Variants in GALNT2 observed in about 807,000 individuals in gnomAD.
GALNT2 encodes the protein polypeptide N-acetylgalactosaminyltransferase 2.
Under a neutral mutation model 81.4 loss-of-function variants are expected in GALNT2, and 31 were observed. The ratio of observed to expected loss-of-function variants is 0.38; its 90% CI spans 0.29 to 0.51. GALNT2 has a LOEUF of 0.51. GALNT2 is among the 20% of genes least tolerant of loss of function. The probability of loss-of-function intolerance (pLI) is 0.87; values close to 1 mark genes in which losing one functional copy is unlikely to be tolerated. For synonymous variants in GALNT2, 303 were observed against 287.4 expected (o/e 1.05, Z -0.55); for missense variants, 629 against 765.7 (o/e 0.82, Z 2.11).
chr1:230,201,742 C>T (rs1010409565), intron 2 of GALNT2, among the ~76,000 whole-genome samples: 4 of 152,218 alleles, frequency 2.6e-5, no homozygotes, highest in African/African-American at 9.7e-5. Context: ...ACACTGGCCT[C>T]CTGGCTGGTT....
At chr1:230,115,023 T>A (rs934084332) in intron 1 of GALNT2, among the ~76,000 whole-genome samples, 1 of 150,658 alleles carries the variant, frequency 6.6e-6, no homozygotes, top group African/African-American at 2.5e-5. Context: ...TTTTTTTTTT[T>A]AAGATGGAGT....
intron 6 of GALNT2, among the ~76,000 whole-genome samples, chr1:230,239,169 T>G (rs1180605696): frequency 6.6e-6 from 1 of 152,242 alleles, no homozygotes; most frequent in Non-Finnish European, 1.5e-5. Flanking sequence ...TTTATTGATT[T>G]TGGTAATTTA....
Position 230,077,838 on chromosome 1 carries a change from A to G in GALNT2, c.126+10432A>G, listed in dbSNP as rs371432907. On this transcript the variant is annotated intron_variant, in intron 1 of 15. Transcript: ENST00000366672. ...ATGAAGTCGAGGTAGCCAGCCTTTGACTCTTCTGGGAATTTTGCCTAACTC... is the reference window on the plus strand; with the variant it reads ...ATGAAGTCGAGGTAGCCAGCCTTTGGCTCTTCTGGGAATTTTGCCTAACTC... Among the ~76,000 whole-genome samples the G allele has an allele frequency of 5.7e-4, 87 of 152,136 alleles. 1 individual carries two copies. In the South Asian group the frequency reaches 0.013, roughly 22 times the overall value.
chr1:230,180,296 C>CTTTTTTT (rs56786141), intron 2 of GALNT2, among the ~76,000 whole-genome samples: 2 of 70,608 alleles, frequency 2.8e-5, no homozygotes, highest in Non-Finnish European at 5.3e-5. Context: ...TGTCTAGGTT[C>CTTTTTTT]TTTTTTTTTT....
At chr1:230,235,213 C>CAA (rs10532058) in intron 3 of GALNT2, among the ~76,000 whole-genome samples, 66 of 76,394 alleles carry the variant, frequency 8.6e-4, no homozygotes, top group South Asian at 1.6e-3. Flanking sequence ...GACCCTGTCT[C>CAA]AAAAAAAAAA....
At chr1:230,148,207 C>T (rs1000648955) in intron 1 of GALNT2, among the ~76,000 whole-genome samples, 3 of 152,188 alleles carry the variant, frequency 2.0e-5, no homozygotes, top group African/African-American at 7.2e-5. Context: ...GAAGGGCTGC[C>T]CACCGGCACA....
Position 230,257,668 on chromosome 1 carries a change from C to T in GALNT2, c.1136+2324C>T, listed in dbSNP as rs916860594. ...GATGCATTTTTCAGGTTGTATCCCT[C>T]TCATTAAGCAGCACCTGGCTGTACC... On this transcript the variant is annotated intron_variant, in intron 11 of 15. Coordinates refer to ENST00000366672, the MANE Select transcript of GALNT2 (RefSeq NM_004481.5). This position sits in a 1 kb window ranked among gnomAD's most constrained non-coding sequence, Gnocchi z 4.6. Among the ~76,000 whole-genome samples, 7 of 152,196 alleles carry T rather than the reference C, an allele frequency of 4.6e-5. No homozygotes were observed. The highest frequency in any genetic ancestry group is 7.2e-5 in the African/African-American group (3 of 41,432).
rs1665754564 is a variant in GALNT2, at chr1:230,257,645, T to C, written c.1136+2301T>C. 2.0e-5 allele frequency among the ~76,000 whole-genome samples: 3 copies of C among 152,170 alleles called. No homozygotes were observed. The highest frequency in any genetic ancestry group is 2.0e-4 in the Admixed American group (3 of 15,282). Reference sequence around the variant, plus strand: ...ACACAACGACAACATCGCCTAAGGATGCATTTTTCAGGTTGTATCCCTCTC... The same window carrying C: ...ACACAACGACAACATCGCCTAAGGACGCATTTTTCAGGTTGTATCCCTCTC... On this transcript the variant is annotated intron_variant, in intron 11 of 15. Coordinates refer to ENST00000366672, the MANE Select transcript of GALNT2 (RefSeq NM_004481.5). The surrounding 1 kb of genome is among the most constrained non-coding windows in gnomAD (Gnocchi z 4.6).
upstream of GALNT2, among the ~76,000 whole-genome samples, chr1:230,066,740 G>C (rs1659190389): frequency 6.6e-6 from 1 of 152,270 alleles, no homozygotes; most frequent in Non-Finnish European, 1.5e-5. Context: ...AGTCTGGGCA[G>C]GAAGCACCGA....
At chr1:230,098,841 A>T (rs1255892515) in intron 1 of GALNT2, among the ~76,000 whole-genome samples, 1 of 152,190 alleles carries the variant, frequency 6.6e-6, no homozygotes, top group East Asian at 1.9e-4. Flanking sequence ...TAGCCTCCAC[A>T]AGCACTGACT....
At chr1:230,085,995 A>C (rs1466727811) in intron 1 of GALNT2, among the ~76,000 whole-genome samples, 1 of 152,222 alleles carries the variant, frequency 6.6e-6, no homozygotes, top group Non-Finnish European at 1.5e-5. Flanking sequence ...AGTGCCCCTA[A>C]GGTGATTGGA....
chr1:230,097,327 C>T (rs1571958101), intron 1 of GALNT2, among the ~76,000 whole-genome samples: 1 of 152,244 alleles, frequency 6.6e-6, no homozygotes, highest in African/African-American at 2.4e-5. Context: ...TATTGTGCAG[C>T]CATGTCCACC....
At chr1:230,115,062 G>A (rs1041359116) in intron 1 of GALNT2, among the ~76,000 whole-genome samples, 5 of 146,496 alleles carry the variant, frequency 3.4e-5, no homozygotes, top group African/African-American at 7.6e-5. Flanking sequence ...CTGGAGTGCA[G>A]TGGCATGATC....
Position 230,280,258 on chromosome 1 carries a change from C to A in GALNT2, c.*800C>A. On this transcript the variant is annotated 3_prime_UTR_variant, in exon 16 of 16. Coordinates refer to ENST00000366672, the MANE Select transcript of GALNT2 (RefSeq NM_004481.5). Reference sequence around the variant, plus strand: ...CAGCCAGTTGGTGCTACTGCTGTGGCCAGCTGGGGGGCTTCCTCCAGACCA... The same window carrying A: ...CAGCCAGTTGGTGCTACTGCTGTGGACAGCTGGGGGGCTTCCTCCAGACCA... The A allele has an allele frequency of 1.2e-5, 4 of 326,868 alleles. No homozygotes were observed. The East Asian group carries it at 3.0e-4, about 25-fold the overall frequency. 20.2% of individuals were successfully genotyped at this position (326,868 alleles called of 1,614,324 possible). A position where few individuals can be genotyped will look rare whatever the true frequency, so the allele number is the denominator to read the frequency against.
intron 13 of GALNT2, chr1:230,265,010 A>G (rs964645438): frequency 2.2e-6 from 1 of 461,162 alleles, no homozygotes; most frequent in Non-Finnish European, 3.9e-6. Context: ...GATATAGAAT[A>G]TAAAGAATAC....
chr1:230,207,847 C>T (rs1477883181), intron 3 of GALNT2, among the ~76,000 whole-genome samples: 1 of 152,190 alleles, frequency 6.6e-6, no homozygotes, highest in Non-Finnish European at 1.5e-5. Flanking sequence ...TCCCAAAATG[C>T]TGAGATAGTA....
At chr1:230,101,932 CAG>C (rs1229858355) in intron 1 of GALNT2, among the ~76,000 whole-genome samples, 1 of 152,210 alleles carries the variant, frequency 6.6e-6, no homozygotes, top group African/African-American at 2.4e-5. Flanking sequence ...CTTTGCCAGA[CAG>C]AAGCACAAAA....
chr1:230,207,344 A>G (rs976492555), intron 3 of GALNT2, among the ~76,000 whole-genome samples: 33 of 152,286 alleles, frequency 2.2e-4, no homozygotes, highest in South Asian at 4.1e-4. Flanking sequence ...AACTGCGATT[A>G]TAATCCACCC....
intron 3 of GALNT2, among the ~76,000 whole-genome samples, chr1:230,227,203 G>T (rs991341426): frequency 1.3e-5 from 2 of 151,904 alleles, no homozygotes; most frequent in Non-Finnish European, 2.9e-5. Flanking sequence ...ACCATCAAAA[G>T]AAATTTTCAG....
Sources: gnomAD v4.1 joint callset for allele counts (sites outside exome capture counted in the v4.1 genomes callset) on GRCh38, gnomAD v4.1.1 for gene constraint, Gnocchi (gnomAD v3.1) non-coding constraint, MANE v1.5 for transcripts, NCBI Gene and HGNC (gene_info 2026-07-23, HGNC 2026-07-21) for gene names.